NUMA1: variants seen among roughly 807,000 people sequenced by gnomAD.
The protein encoded by NUMA1 is SP-H antigen.
NUMA1 carries 62 observed loss-of-function variants against 237.1 expected under a neutral mutation model. The ratio of observed to expected loss-of-function variants is 0.26; its 90% CI spans 0.21 to 0.32. The LOEUF (loss-of-function observed/expected upper bound fraction) is 0.32, where lower values mean the gene tolerates loss of function less well. NUMA1 is among the 10% of genes least tolerant of loss of function. The probability of loss-of-function intolerance (pLI) is 1.00; values close to 1 mark genes in which losing one functional copy is unlikely to be tolerated. For missense variants in NUMA1, 2,533 were observed against 2,666.5 expected (o/e 0.95, Z 1.10); for synonymous variants, 1,028 against 1,066.1 (o/e 0.96, Z 0.70).
At chr11:72,058,069 CT>C (rs1942759085) in intron 2 of NUMA1, among the ~76,000 whole-genome samples, 1 of 152,018 alleles carries the variant, frequency 6.6e-6, no homozygotes, top group South Asian at 2.1e-4. Context: ...AAAACTACAT[CT>C]CAAAAAAAAA....
chr11:72,072,619 C>T lies in NUMA1; in HGVS notation c.-102-2708G>A, dbSNP rs951586. ...ACAGCCATCAGATACCTCATTTTTA[C>T]TTCTGCCAAATGGCCCCTTATTACC... On this transcript the variant is annotated intron_variant, in intron 1 of 26. Transcript: ENST00000393695. 4.2e-3 allele frequency among the ~76,000 whole-genome samples: 641 copies of T among 152,240 alleles called. 2 individuals are homozygous for T. The highest frequency in any genetic ancestry group is 0.015 in the African/African-American group (612 of 41,544).
At chr11:72,066,947 C>T (rs1487573801) in intron 2 of NUMA1, 2 of 152,206 alleles carry the variant, frequency 1.3e-5, no homozygotes, top group Non-Finnish European at 2.9e-5. Flanking sequence ...AAAGCTAGTC[C>T]CTCTAATTGC....
chr11:72,050,071 AAGG>A (rs1381695023), intron 2 of NUMA1, among the ~76,000 whole-genome samples: 1 of 152,166 alleles, frequency 6.6e-6, no homozygotes, highest in Non-Finnish European at 1.5e-5. Context: ...ACTCTGTTGA[AAGG>A]AGGAGGTCCT....
intron 13 of NUMA1, chr11:72,016,737 C>A (rs545770128): frequency 2.0e-4 from 116 of 594,654 alleles, no homozygotes; most frequent in African/African-American, 1.7e-3. Context: ...ACAATAAAGT[C>A]ATAATGTAAC....
At chr11:72,066,792 G>C (rs1333115241) in intron 2 of NUMA1, 1 of 152,170 alleles carries the variant, frequency 6.6e-6, no homozygotes, top group Non-Finnish European at 1.5e-5. Context: ...TAAACTCCTG[G>C]AGGGCAGAAA....
rs1955613843 is a variant in NUMA1, at chr11:72,005,314, G to A, written c.5748C>T (p.Asp1916=). Residue 1916 remains aspartate, a synonymous_variant, in exon 23 of 27, where the codon GAC becomes GAT. Transcript: ENST00000393695. ...GCTGCAGCTCTGCAATGCGGTTCCAGTCATCCAGCTGCTCAGGCTCATCCT... is the reference window on the plus strand; with the variant it reads ...GCTGCAGCTCTGCAATGCGGTTCCAATCATCCAGCTGCTCAGGCTCATCCT... The part of the protein sequence containing the change: ...TCQDEPEQLD[D]WNRIAELQQR... 6.2e-7 allele frequency: 1 copy of A among 1,608,384 alleles called. No homozygotes were observed. The highest frequency in any genetic ancestry group is 1.3e-5 in the African/African-American group (1 of 74,498).
chr11:72,054,484 G>A (rs1195669963), intron 2 of NUMA1, among the ~76,000 whole-genome samples: 1 of 151,352 alleles, frequency 6.6e-6, no homozygotes, highest in African/African-American at 2.4e-5. Context: ...AAAAAAAAAT[G>A]TAAGAGTAAC....
chr11:72,023,409 G>A (rs755412308), intron 5 of NUMA1, among the ~76,000 whole-genome samples: 3 of 152,140 alleles, frequency 2.0e-5, no homozygotes, highest in Non-Finnish European at 2.9e-5. Flanking sequence ...TCATGATGTT[G>A]CACTCTCCCA....
intron 2 of NUMA1, among the ~76,000 whole-genome samples, chr11:72,057,676 G>A (rs1324390477): frequency 6.6e-6 from 1 of 151,660 alleles, no homozygotes; most frequent in Non-Finnish European, 1.5e-5. Context: ...CCCGGGAGGT[G>A]GAGGTTGCAG....
intron 2 of NUMA1, among the ~76,000 whole-genome samples, chr11:72,047,283 T>C (rs900157531): frequency 2.6e-5 from 4 of 151,936 alleles, no homozygotes; most frequent in Admixed American, 2.6e-4. Context: ...CCTCAGGAGT[T>C]CAAGACCAGC....
At chr11:72,045,610 T>C (rs113615845) in intron 2 of NUMA1, among the ~76,000 whole-genome samples, 5,644 of 152,180 alleles carry the variant, frequency 0.037, 100 homozygotes, top group East Asian at 0.077. Context: ...TCCGGAGTAG[T>C]TGGGACCACA....
rs900152918 is a variant in NUMA1 at position 72,004,053 on chromosome 11, T to C, written c.6170A>G (p.Lys2057Arg). The change falls in exon 26 of 27, where the codon AAG (lysine) becomes AGG (arginine). Residue 2057 changes from lysine (K) to arginine (R), a missense_variant. Lys to Arg is a conservative substitution (Grantham distance 26). Transcript: ENST00000393695. ...CCGCAGAAGGCTGTTCCCTAGCTTCTTGGGTGTGTTGAGGATGCTGAAGGC... is the reference window on the plus strand; with the variant it reads ...CCGCAGAAGGCTGTTCCCTAGCTTCCTGGGTGTGTTGAGGATGCTGAAGGC... ...SMAFSILNTPKKLGNSLLRRG... is the reference protein window; with the variant it reads ...SMAFSILNTPRKLGNSLLRRG... 3.7e-6 allele frequency: 6 copies of C among 1,613,568 alleles called. No individual in the cohort carries two copies. Among genetic ancestry groups the C allele is most frequent in the Admixed American group, 3.3e-5 (2 of 59,916 alleles).
chr11:72,008,576 ATTC>A (rs768914937), intron 20 of NUMA1, 109 bp downstream of exon 20: 13 of 1,276,506 alleles, frequency 1.0e-5, no homozygotes, highest in Middle Eastern at 1.9e-4. Flanking sequence ...GTTTTTCGTT[ATTC>A]TTCTCTAAGA....
At chr11:72,078,881 A>G (rs534686509) in intron 1 of NUMA1, among the ~76,000 whole-genome samples, 2 of 152,346 alleles carry the variant, frequency 1.3e-5, no homozygotes, top group East Asian at 3.9e-4. Flanking sequence ...AAAGATCTCC[A>G]CAAAGCAGAG....
intron 3 of NUMA1, among the ~76,000 whole-genome samples, chr11:72,033,086 A>G (rs1361169152): frequency 6.6e-6 from 1 of 152,144 alleles, no homozygotes; most frequent in Non-Finnish European, 1.5e-5. Context: ...TCATGCTACT[A>G]CAGTTTCATA....
At chr11:72,016,911 C>CAAACCCACTTCTT (rs1937874210) in intron 13 of NUMA1, 1 of 200,194 alleles carries the variant, frequency 5.0e-6, no homozygotes, top group Non-Finnish European at 1.0e-5. Context: ...CCCCCAGTCC[C>CAAACCCACTTCTT]AAACCCACTT....
At chr11:72,046,676 G>A (rs1030169294) in intron 2 of NUMA1, among the ~76,000 whole-genome samples, 1 of 151,756 alleles carries the variant, frequency 6.6e-6, no homozygotes, top group Non-Finnish European at 1.5e-5. Flanking sequence ...ATTCAGTAGG[G>A]AGGGCTGGGC....
At chr11:72,038,295 G>A (rs919370793) in intron 2 of NUMA1, among the ~76,000 whole-genome samples, 3 of 152,162 alleles carry the variant, frequency 2.0e-5, no homozygotes, top group African/African-American at 7.2e-5. Context: ...GTCCTCCCAG[G>A]AGAGCCTGTC....
At chr11:72,033,792 G>T (rs1173241212) in intron 3 of NUMA1, among the ~76,000 whole-genome samples, 1 of 152,112 alleles carries the variant, frequency 6.6e-6, no homozygotes, top group South Asian at 2.1e-4. Flanking sequence ...AGGTCAAGGC[G>T]GGTGGATCAC....
Sources: allele counts gnomAD v4.1 joint callset (sites outside exome capture counted in the v4.1 genomes callset), GRCh38; gene constraint gnomAD v4.1.1; transcripts MANE v1.5; gene names NCBI Gene and HGNC (gene_info 2026-07-23, HGNC 2026-07-21).